The following TAS2R1 variants were observed in gnomAD, a reference collection of about 807,000 sequenced individuals.
TAS2R1 encodes the protein taste 2 receptor member 1, also known as taste receptor type 2 member 1.
For missense variants in TAS2R1, 370 were observed against 353.4 expected (o/e 1.05, Z -0.38); for synonymous variants, 141 against 134.2 (o/e 1.05, Z -0.35).
At chr5:9,655,513 T>C (rs1740391652) in intron 2 of TAS2R1, among the ~76,000 whole-genome samples, 2 of 151,986 alleles carry the variant, frequency 1.3e-5, no homozygotes, top group African/African-American at 4.8e-5. Context: ...GAAAAACTGA[T>C]GAACATCTGA....
the TAS2R1 span, among the ~76,000 whole-genome samples, chr5:9,825,292 A>G: frequency 6.6e-6 from 1 of 152,176 alleles, no homozygotes; most frequent in Admixed American, 6.5e-5. Flanking sequence ...TCACAATCAC[A>G]GCAGAAGAGC....
chr5:9,883,026 C>A, the TAS2R1 span, among the ~76,000 whole-genome samples: 2 of 152,038 alleles, frequency 1.3e-5, no homozygotes, highest in South Asian at 2.1e-4. Flanking sequence ...ACATATATAC[C>A]ACGAAATACT....
At chr5:9,705,215 C>T (rs937963339) in intron 1 of TAS2R1, among the ~76,000 whole-genome samples, 12 of 152,048 alleles carry the variant, frequency 7.9e-5, no homozygotes, top group African/African-American at 2.7e-4. Flanking sequence ...TGTGCATGGA[C>T]CATTAATAGA....
chr5:9,793,973 T>C, the TAS2R1 span, among the ~76,000 whole-genome samples: 1 of 152,126 alleles, frequency 6.6e-6, no homozygotes, highest in Non-Finnish European at 1.5e-5. Flanking sequence ...ACAGAAAACT[T>C]CAGAAATAAT....
chr5:9,762,400 T>C, the TAS2R1 span, among the ~76,000 whole-genome samples: 4 of 152,306 alleles, frequency 2.6e-5, no homozygotes, highest in South Asian at 2.1e-4. Context: ...TAAACGTGGT[T>C]CATATCACCA....
chr5:9,714,480 G>A (rs1297906317), upstream of TAS2R1, among the ~76,000 whole-genome samples: 1 of 152,116 alleles, frequency 6.6e-6, no homozygotes, highest in Non-Finnish European at 1.5e-5. Context: ...ATCCAGGGCC[G>A]GCTTCACCAG....
At chr5:9,690,517 GCAACT>G (rs1741220184) in intron 1 of TAS2R1, among the ~76,000 whole-genome samples, 1 of 152,046 alleles carries the variant, frequency 6.6e-6, no homozygotes, top group Admixed American at 6.6e-5. Flanking sequence ...AATTAAGCAC[GCAACT>G]CAGTTTATGG....
At chr5:9,798,792 A>T in the TAS2R1 span, among the ~76,000 whole-genome samples, 1 of 152,356 alleles carries the variant, frequency 6.6e-6, no homozygotes, top group East Asian at 1.9e-4. Context: ...AGTAAAATCC[A>T]GTACCACATG....
the TAS2R1 span, among the ~76,000 whole-genome samples, chr5:9,861,037 G>GTTTTTTTTGTTTTTTTTTT: frequency 1.1e-5 from 1 of 88,612 alleles, no homozygotes; most frequent in African/African-American, 4.3e-5. Flanking sequence ...GGAAGATGAG[G>GTTTTTTTTGTTTTTTTTTT]TTTTTTTTTT....
chr5:9,679,007 A>T (rs564002140), intron 1 of TAS2R1, among the ~76,000 whole-genome samples: 36 of 152,328 alleles, frequency 2.4e-4, no homozygotes, highest in African/African-American at 8.7e-4. Flanking sequence ...TGCACCCAGA[A>T]AATCAAATCT....
chr5:9,707,880 G>A (rs1199261659), intron 1 of TAS2R1, among the ~76,000 whole-genome samples: 2 of 152,072 alleles, frequency 1.3e-5, no homozygotes, highest in Non-Finnish European at 1.5e-5. Flanking sequence ...TCACTGGCTA[G>A]AACAACACTT....
chr5:9,809,359 G>A, the TAS2R1 span, among the ~76,000 whole-genome samples: 1 of 152,140 alleles, frequency 6.6e-6, no homozygotes. Context: ...TATGTCAAAG[G>A]CTGAACTTCC....
At chr5:9,852,381 C>G in the TAS2R1 span, among the ~76,000 whole-genome samples, 3 of 151,982 alleles carry the variant, frequency 2.0e-5, no homozygotes, top group Non-Finnish European at 2.9e-5. Context: ...TCATTCTCTC[C>G]TGTTTCTGTC....
At chr5:9,752,135 A>C in the TAS2R1 span, among the ~76,000 whole-genome samples, 1 of 152,188 alleles carries the variant, frequency 6.6e-6, no homozygotes, top group Non-Finnish European at 1.5e-5. Context: ...AAATCTTTAA[A>C]ATAAAGTTTT....
chr5:9,756,340 G>T, the TAS2R1 span, among the ~76,000 whole-genome samples: 1 of 152,198 alleles, frequency 6.6e-6, no homozygotes, highest in Non-Finnish European at 1.5e-5. Flanking sequence ...ATATCAGAAT[G>T]CAGGAGGATA....
the TAS2R1 span, among the ~76,000 whole-genome samples, chr5:9,842,316 CTT>C: frequency 6.0e-5 from 7 of 116,230 alleles, no homozygotes; most frequent in Non-Finnish European, 3.4e-5. Context: ...TTCTTTCTCT[CTT>C]TTTTTTTTTT....
chr5:9,758,800 A>G, the TAS2R1 span, among the ~76,000 whole-genome samples: 1 of 152,226 alleles, frequency 6.6e-6, no homozygotes, highest in African/African-American at 2.4e-5. Flanking sequence ...CACTTGTCCC[A>G]TAACAGTTGT....
At chr5:9,661,907 G>A (rs1449991841) in intron 1 of TAS2R1, among the ~76,000 whole-genome samples, 1 of 152,160 alleles carries the variant, frequency 6.6e-6, no homozygotes, top group Non-Finnish European at 1.5e-5. Flanking sequence ...AACAGCTCAG[G>A]TTTACTCCCT....
At chr5:9,798,961 C>CAT in the TAS2R1 span, among the ~76,000 whole-genome samples, 1 of 152,196 alleles carries the variant, frequency 6.6e-6, no homozygotes, top group Non-Finnish European at 1.5e-5. Flanking sequence ...CTCAGGCAGG[C>CAT]ATATACACAC....
Sources: gnomAD v4.1 joint callset for allele counts (sites outside exome capture counted in the v4.1 genomes callset) on GRCh38, gnomAD v4.1.1 for gene constraint, MANE v1.5 for transcripts, NCBI Gene and HGNC (gene_info 2026-07-23, HGNC 2026-07-21) for gene names.